SH3BP2: variants seen among roughly 807,000 people sequenced by gnomAD.
SH3BP2 encodes the protein SH3 domain-binding protein 2.
A neutral mutation model predicts 56.2 loss-of-function variants in SH3BP2; 38 were observed. The observed-to-expected ratio is 0.68, with a 90% CI of 0.52 to 0.89. The LOEUF (loss-of-function observed/expected upper bound fraction) is 0.89, where lower values mean the gene tolerates loss of function less well. Ranked by LOEUF, SH3BP2 falls within the 40% of genes least tolerant of loss-of-function variation. SH3BP2 has a pLI of 0.00. For missense variants in SH3BP2, 748 were observed against 762.6 expected, an observed-to-expected ratio of 0.98 and a Z score of 0.23; for synonymous variants, 346 against 316.7, an observed-to-expected ratio of 1.09 and a Z score of -0.98.
chr4:2,832,874 G>A (rs568385061), intron 11 of SH3BP2, 116 bp from the exon 12 acceptor site: 172 of 1,048,144 alleles, frequency 1.6e-4, no homozygotes, highest in African/African-American at 1.6e-3. Context: ...CCCGCCCCCC[G>A]AGGGCCACAG....
At chr4:2,812,998 G>C (rs946468708) in intron 1 of SH3BP2, among the ~76,000 whole-genome samples, 2 of 152,210 alleles carry the variant, frequency 1.3e-5, no homozygotes, top group African/African-American at 4.8e-5. Flanking sequence ...TGCCGGGCTG[G>C]GGCTGTGCTC....
intron 1 of SH3BP2, chr4:2,796,350 C>G: frequency 1.1e-6 from 1 of 951,254 alleles, no homozygotes; most frequent in Non-Finnish European, 1.3e-6. Context: ...GGTGCCCTCC[C>G]CCAACCTTCT....
At chr4:2,826,570 T>G in intron 5 of SH3BP2, 1 of 282,902 alleles carries the variant, frequency 3.5e-6, no homozygotes. Context: ...GTCTGCATGT[T>G]GCTCTGTGTG....
intron 1 of SH3BP2, among the ~76,000 whole-genome samples, chr4:2,795,682 C>T (rs117822285): frequency 0.031 from 4,652 of 152,208 alleles, 110 homozygotes; most frequent in Admixed American, 0.054. Context: ...GGATCTGAGC[C>T]GGGCGGGCAG....
chr4:2,821,878 AT>A (rs1724327444), intron 2 of SH3BP2, among the ~76,000 whole-genome samples: 1 of 150,676 alleles, frequency 6.6e-6, no homozygotes, highest in Non-Finnish European at 1.5e-5. Context: ...TTATTTATTT[AT>A]TTTTTTGAGA....
Position 2,832,797 on chromosome 4 carries a change from T to C in SH3BP2, c.1489-193T>C, listed in dbSNP as rs560399440. 5.3e-5 allele frequency among the ~76,000 whole-genome samples: 8 copies of C among 152,250 alleles called. No homozygotes were observed. In the East Asian group the frequency reaches 1.5e-3, roughly 29 times the overall value. On this transcript the variant is annotated intron_variant, in intron 11 of 12. Coordinates refer to ENST00000503393, the MANE Select transcript of SH3BP2 (RefSeq NM_001122681.2). ...ATTGGTGGTTATGAGCTGTTGCTCA[T>C]CAGAGGCTCTCTGAGGGCTGCCAGT...
chr4:2,806,814 TGA>T (rs993372369), intron 1 of SH3BP2, among the ~76,000 whole-genome samples: 2 of 152,220 alleles, frequency 1.3e-5, no homozygotes, highest in African/African-American at 2.4e-5. Flanking sequence ...ACACCAGGCC[TGA>T]GAGAGGAAGG....
At chr4:2,812,583 T>A in intron 1 of SH3BP2, 2 of 1,398,266 alleles carry the variant, frequency 1.4e-6, no homozygotes, top group South Asian at 1.4e-5. Context: ...TCCTCGGGGC[T>A]GGCCGTGGGA....
chr4:2,818,214 G>GCCGGCGGGCATGGCGGGCT (rs1184065935), intron 1 of SH3BP2: 2 of 987,596 alleles, frequency 2.0e-6, no homozygotes, highest in African/African-American at 3.5e-5. Flanking sequence ...CCAGGCCAGG[G>GCCGGCGGGCATGGCGGGCT]CCGGCGGGCA....
Position 2,822,970 on chromosome 4 carries a change from G to T in SH3BP2, c.172G>T (p.Val58Phe), listed in dbSNP as rs754590367. The change falls in exon 3 of 13, where the codon GTC becomes TTC. Residue 58 changes from valine (V) to phenylalanine (F), a missense_variant. This residue lies in a region of SH3BP2 where 104 missense variants were observed against 123.1 expected (regional missense o/e 0.84). Coordinates refer to ENST00000503393, the MANE Select transcript of SH3BP2 (RefSeq NM_001122681.2). ...CTTTGTCATCATCCACAAACGCTGC[G>T]TCTACTACTTCAAGAGTAGCACCTC... ...LRFVIIHKRC[V>F]YYFKSSTSAS... The T allele has an allele frequency of 3.1e-6, 5 of 1,613,956 alleles. No homozygotes were observed. Among genetic ancestry groups the T allele is most frequent in the Non-Finnish European group, 8.5e-7 (1 of 1,179,988 alleles).
At chr4:2,797,770 G>A (rs1723110462) in intron 1 of SH3BP2, among the ~76,000 whole-genome samples, 1 of 152,178 alleles carries the variant, frequency 6.6e-6, no homozygotes, top group African/African-American at 2.4e-5. Flanking sequence ...TGCCCTGGTG[G>A]TGCCCACGTG....
chr4:2,818,247 G>T (rs1577352285), intron 1 of SH3BP2: 1 of 992,214 alleles, frequency 1.0e-6, no homozygotes, highest in Non-Finnish European at 1.2e-6. Flanking sequence ...GGCCGCGGCC[G>T]CGGAGCTGGG....
chr4:2,809,396 C>T (rs967407627), intron 1 of SH3BP2, among the ~76,000 whole-genome samples: 5 of 151,354 alleles, frequency 3.3e-5, no homozygotes, highest in Admixed American at 1.3e-4. Context: ...CACCTTCCCA[C>T]AGGCTCAATG....
intron 1 of SH3BP2, among the ~76,000 whole-genome samples, chr4:2,802,430 G>GTGTGTA (rs1176439583): frequency 3.1e-4 from 47 of 150,160 alleles, no homozygotes; most frequent in Middle Eastern, 3.5e-3. Flanking sequence ...GTGTGTGTGT[G>GTGTGTA]TGTGTGTGTG....
chr4:2,826,910 T>C, intron 5 of SH3BP2: 1 of 553,284 alleles, frequency 1.8e-6, no homozygotes, highest in Non-Finnish European at 3.5e-6. Context: ...TTTGTGTATA[T>C]ATATCCATGC....
intron 1 of SH3BP2, among the ~76,000 whole-genome samples, chr4:2,819,729 GA>G (rs34079474): frequency 0.37 from 56,893 of 152,012 alleles, 12,167 homozygotes; most frequent in Admixed American, 0.52. Context: ...CAGAAGAGGG[GA>G]CTCTTAACCT....
At chr4:2,811,175 C>T (rs1426844949) in intron 1 of SH3BP2, among the ~76,000 whole-genome samples, 1 of 152,216 alleles carries the variant, frequency 6.6e-6, no homozygotes, top group Non-Finnish European at 1.5e-5. Context: ...AGACGGAGCT[C>T]CTTAGCCTGG....
intron 5 of SH3BP2, chr4:2,826,572 C>T (rs1724652042): frequency 3.8e-6 from 1 of 266,266 alleles, no homozygotes; most frequent in Non-Finnish European, 7.0e-6. Context: ...CTGCATGTTG[C>T]TCTGTGTGTG....
At chr4:2,827,531 C>T (rs988099979) in intron 6 of SH3BP2, 75 bp from the exon 7 acceptor site, 2 of 1,467,116 alleles carry the variant, frequency 1.4e-6, no homozygotes, top group South Asian at 1.2e-5. Flanking sequence ...CTGGACTCAG[C>T]CCCATGCATG....
Sources: gnomAD v4.1 joint callset for allele counts (sites outside exome capture counted in the v4.1 genomes callset) on GRCh38, gnomAD v4.1.1 for gene constraint, gnomAD v4.1.1 regional missense constraint, MANE v1.5 for transcripts, NCBI Gene and HGNC (gene_info 2026-07-23, HGNC 2026-07-21) for gene names.